Variants in BANP observed in about 807,000 individuals in gnomAD.
BANP encodes protein BANP.
BANP carries 11 observed loss-of-function variants against 68.1 expected under a neutral mutation model. The ratio of observed to expected loss-of-function variants is 0.16; its 90% confidence interval spans 0.10 to 0.27. The LOEUF is 0.27. Among genes scored for constraint, BANP ranks in the 10% least tolerant of loss-of-function variants. The pLI, the probability that BANP is intolerant of heterozygous loss-of-function variation, is 1.00. For missense variants in BANP, 504 were observed against 722.7 expected, an observed-to-expected ratio of 0.70 and a Z score of 3.47; for synonymous variants, 329 against 303.2, an observed-to-expected ratio of 1.09 and a Z score of -0.88.
chr16:87,971,016 CAA>C (rs10624509), intron 1 of BANP, among the ~76,000 whole-genome samples: 6 of 135,326 alleles, frequency 4.4e-5, no homozygotes, highest in Non-Finnish European at 7.9e-5. Flanking sequence ...GACTGCATCT[CAA>C]AAAAAAAAAA....
chr16:88,073,121 G>A (rs1034249434), intron 13 of BANP, among the ~76,000 whole-genome samples: 2 of 152,216 alleles, frequency 1.3e-5, no homozygotes, highest in African/African-American at 2.4e-5. Flanking sequence ...CTCAGCCCTC[G>A]GGAAGAGAGG....
chr16:88,072,077 G>C lies in BANP; in HGVS notation c.1386G>C (p.Gln462His). ...VFKASSGQVL[Q>H]GAQLIAVASS... ...CGTGTGTCTCCCTCCAGGTGCTGCA[G>C]GGTGCACAGCTGATCGCCGTGGCCT... Residue 462 changes from glutamine (Q) to histidine (H), a missense_variant, in exon 13 of 14, where the codon CAG becomes CAC. Coordinates refer to ENST00000682872, the MANE Select transcript of BANP (RefSeq NM_001386991.1). The C allele has an allele frequency of 6.3e-7, 1 of 1,579,798 alleles. No homozygotes were observed. Among genetic ancestry groups the C allele is most frequent in the Non-Finnish European group, 8.6e-7 (1 of 1,164,776 alleles).
chr16:87,984,106 G>A lies in BANP; in HGVS notation c.209G>A (p.Ser70Asn), dbSNP rs1327419986. ...INQTICLRLD[S>N]IEAKLQALEA... Reference sequence around the variant, plus strand: ...CAGACAATCTGCTTGCGGTTGGATAGCATTGAAGCCAAATTGCAAGCCCTG... The same window carrying A: ...CAGACAATCTGCTTGCGGTTGGATAACATTGAAGCCAAATTGCAAGCCCTG... The change falls in exon 4 of 14, where the codon AGC becomes AAC. Residue 70 changes from serine to asparagine, a missense_variant. Physicochemically the swap from Ser to Asn is conservative, Grantham distance 46. Transcript: ENST00000682872. 1 of 1,613,982 alleles carries A rather than the reference G, an allele frequency of 6.2e-7. No individual in the cohort carries two copies. Among genetic ancestry groups the A allele is most frequent in the Non-Finnish European group, 8.5e-7 (1 of 1,179,918 alleles).
chr16:87,978,859 C>T (rs1255862758), intron 2 of BANP, among the ~76,000 whole-genome samples: 4 of 152,342 alleles, frequency 2.6e-5, no homozygotes, highest in South Asian at 2.1e-4. Flanking sequence ...GTCAGGTGAT[C>T]GTCACGGCTT....
chr16:88,002,456 G>A lies in BANP; in HGVS notation c.363-1839G>A, dbSNP rs1451273769. 6.6e-6 allele frequency among the ~76,000 whole-genome samples: 1 copy of A among 152,202 alleles called. No individual in the cohort carries two copies. Among genetic ancestry groups the A allele is most frequent in the African/African-American group, 2.4e-5 (1 of 41,442 alleles). On this transcript the variant is annotated intron_variant, in intron 4 of 13. Coordinates refer to ENST00000682872, the MANE Select transcript of BANP (RefSeq NM_001386991.1). This position sits in a 1 kb window ranked among gnomAD's most constrained non-coding sequence, Gnocchi z 4.6. The stretch of plus-strand genomic sequence containing the variant: ...GTGCCCTAGGTGGATGGTGCATCCA[G>A]TGTGTTCAGAGCAGAGGTTGTTTTT...
At chr16:88,061,651 G>A (rs1385952438) in intron 11 of BANP, among the ~76,000 whole-genome samples, 1 of 151,142 alleles carries the variant, frequency 6.6e-6, no homozygotes, top group Non-Finnish European at 1.5e-5. Context: ...CTCTTTCTCT[G>A]AGCACCTCAT....
intron 3 of BANP, among the ~76,000 whole-genome samples, chr16:87,981,865 G>A (rs997585830): frequency 7.9e-5 from 12 of 152,268 alleles, no homozygotes; most frequent in Admixed American, 3.9e-4. Flanking sequence ...AATTATTTTT[G>A]GATCTTTGAA....
At chr16:88,015,770 C>A (rs1175594436) in intron 6 of BANP, among the ~76,000 whole-genome samples, 1 of 152,272 alleles carries the variant, frequency 6.6e-6, no homozygotes, top group African/African-American at 2.4e-5. Flanking sequence ...AGGTGCTCTT[C>A]TAGCGCCTCA....
At chr16:87,967,758 A>G (rs2060325456) in intron 1 of BANP, among the ~76,000 whole-genome samples, 1 of 151,740 alleles carries the variant, frequency 6.6e-6, no homozygotes, top group African/African-American at 2.4e-5. Context: ...AGTAGCTGGG[A>G]ATACAGGGCG....
At chr16:87,996,682 C>T (rs997198029) in intron 4 of BANP, among the ~76,000 whole-genome samples, 5 of 150,532 alleles carry the variant, frequency 3.3e-5, no homozygotes, top group East Asian at 2.0e-4. Flanking sequence ...GCTGGGCCCT[C>T]GTCCTGGGCG....
chr16:87,970,554 C>A (rs550746256), intron 1 of BANP, among the ~76,000 whole-genome samples: 1 of 152,100 alleles, frequency 6.6e-6, no homozygotes, highest in Non-Finnish European at 1.5e-5. Context: ...TTGATTTTTT[C>A]TTTTTATTAC....
At chr16:87,996,758 A>C (rs1045372843) in intron 4 of BANP, among the ~76,000 whole-genome samples, 9 of 152,202 alleles carry the variant, frequency 5.9e-5, no homozygotes, top group African/African-American at 1.7e-4. Context: ...CGTTGTCTGC[A>C]CTGAACCATT....
chr16:88,036,546 G>T lies in BANP; in HGVS notation c.1272+1152G>T, dbSNP rs2079411562. 1.3e-5 allele frequency among the ~76,000 whole-genome samples: 2 copies of T among 152,148 alleles called. No homozygotes were observed. Among genetic ancestry groups the T allele is most frequent in the Non-Finnish European group, 1.5e-5 (1 of 68,026 alleles). ...GGACTCGGGCGTGTCTGCTGGCAGT[G>T]GCTTTAATTTGGACACCAGCAGTTC... is the stretch of plus-strand genomic sequence containing the variant. On this transcript the variant is annotated intron_variant, in intron 10 of 13. Coordinates refer to ENST00000682872, the MANE Select transcript of BANP (RefSeq NM_001386991.1). This position sits in a 1 kb window ranked among gnomAD's most constrained non-coding sequence, Gnocchi z 4.2.
At chr16:88,039,835 C>A (rs373722286) in intron 11 of BANP, among the ~76,000 whole-genome samples, 1 of 151,906 alleles carries the variant, frequency 6.6e-6, no homozygotes, top group African/African-American at 2.4e-5. Flanking sequence ...TGCTGCCCCA[C>A]GTGCCTTTGC....
At chr16:87,968,915 A>G (rs1490880532) in intron 1 of BANP, among the ~76,000 whole-genome samples, 5 of 152,236 alleles carry the variant, frequency 3.3e-5, no homozygotes, top group African/African-American at 1.2e-4. Context: ...CAGGATAAAA[A>G]TGGAAATATT....
intron 4 of BANP, among the ~76,000 whole-genome samples, chr16:88,000,576 A>G (rs1459495165): frequency 1.5e-3 from 3 of 2,044 alleles, no homozygotes; most frequent in African/African-American, 2.6e-3. Flanking sequence ...GGCTGTACTT[A>G]CCTGTCCTTC....
At chr16:87,978,426 C>T (rs10863193) in intron 2 of BANP, 121,668 of 349,000 alleles carry the variant, frequency 0.35, 25,027 homozygotes, top group Non-Finnish European at 0.47. Flanking sequence ...GAGGGTCTCT[C>T]TCTGTTCTTC....
chr16:87,964,251 G>A (rs2059658858), intron 1 of BANP, among the ~76,000 whole-genome samples: 2 of 152,230 alleles, frequency 1.3e-5, no homozygotes, highest in South Asian at 2.1e-4. Flanking sequence ...CATCACAGAC[G>A]TATTCACTGG....
At chr16:87,951,754 G>A (rs1340821761) in intron 1 of BANP, among the ~76,000 whole-genome samples, 2 of 151,394 alleles carry the variant, frequency 1.3e-5, no homozygotes, top group African/African-American at 4.8e-5. Flanking sequence ...GCCCCACCGC[G>A]CCCGGCGTCC....
Sources: gnomAD v4.1 joint callset for allele counts (sites outside exome capture counted in the v4.1 genomes callset) on GRCh38, gnomAD v4.1.1 for gene constraint, Gnocchi (gnomAD v3.1) non-coding constraint, MANE v1.5 for transcripts, NCBI Gene and HGNC (gene_info 2026-07-23, HGNC 2026-07-21) for gene names.